The following ASAP1 variants were observed in gnomAD, a reference collection of about 807,000 sequenced individuals.
The protein encoded by ASAP1 is arf-GAP with SH3 domain, ANK repeat and PH domain-containing protein 1.
A neutral mutation model predicts 145.2 loss-of-function variants in ASAP1; 43 were observed. The observed-to-expected ratio is 0.30, with a 90% confidence interval of 0.23 to 0.38. The LOEUF (loss-of-function observed/expected upper bound fraction) is 0.38. ASAP1 is among the 10% of genes least tolerant of loss of function. The pLI is 1.00. For synonymous variants in ASAP1, 546 were observed against 515.5 expected, an observed-to-expected ratio of 1.06 and a Z score of -0.80; for missense variants, 1,018 against 1,355.3, an observed-to-expected ratio of 0.75 and a Z score of 3.91.
intron 25 of ASAP1, among the ~76,000 whole-genome samples, chr8:130,086,182 T>C (rs537531145): frequency 6.6e-6 from 1 of 152,256 alleles, no homozygotes; most frequent in African/African-American, 2.4e-5. Flanking sequence ...GAGCACAGAG[T>C]GGTGCGTGGA....
At chr8:130,245,809 T>C (rs928288453) in intron 3 of ASAP1, among the ~76,000 whole-genome samples, 1 of 152,194 alleles carries the variant, frequency 6.6e-6, no homozygotes, top group Non-Finnish European at 1.5e-5. Flanking sequence ...ATTTCTCATG[T>C]ACTATTTGTT....
chr8:130,136,652 T>C (rs900975254), intron 14 of ASAP1, among the ~76,000 whole-genome samples: 4 of 150,194 alleles, frequency 2.7e-5, no homozygotes, highest in African/African-American at 9.8e-5. Flanking sequence ...CTAAGAAACA[T>C]CTCTCCAAGG....
chr8:130,300,169 G>GAT (rs1822564202), intron 3 of ASAP1, among the ~76,000 whole-genome samples: 1 of 143,746 alleles, frequency 7.0e-6, no homozygotes, highest in South Asian at 2.2e-4. Flanking sequence ...GAGAGAGAGA[G>GAT]AGAGAGAGAG....
chr8:130,290,205 C>A (rs1367135697), intron 3 of ASAP1, among the ~76,000 whole-genome samples: 4 of 152,102 alleles, frequency 2.6e-5, no homozygotes, highest in African/African-American at 9.7e-5. Context: ...TCCTCACAGC[C>A]CTCTGCACTT....
intron 3 of ASAP1, among the ~76,000 whole-genome samples, chr8:130,351,466 T>C (rs867070234): frequency 2.6e-5 from 4 of 152,226 alleles, no homozygotes; most frequent in Admixed American, 6.5e-5. Flanking sequence ...TAGGCAGTTC[T>C]TGTGTTGTTA....
intron 15 of ASAP1, 111 bp downstream of exon 15, chr8:130,134,185 G>A: frequency 4.0e-6 from 3 of 750,502 alleles, no homozygotes; most frequent in Middle Eastern, 2.5e-4. Flanking sequence ...AAGAAGCATG[G>A]AGCCACCAGG....
chr8:130,179,116 T>A, intron 9 of ASAP1, 148 bp downstream of exon 9: 1 of 525,484 alleles, frequency 1.9e-6, no homozygotes, highest in South Asian at 2.9e-5. Flanking sequence ...TGGAAGACAC[T>A]ATTTCTTATC....
intron 2 of ASAP1, among the ~76,000 whole-genome samples, chr8:130,391,798 A>C (rs1828297303): frequency 1.3e-5 from 2 of 152,214 alleles, no homozygotes; most frequent in African/African-American, 4.8e-5. Context: ...TTTTAGAGAG[A>C]GCTCCTGTGA....
chr8:130,079,041 A>G (rs572025012), intron 26 of ASAP1, among the ~76,000 whole-genome samples: 1 of 152,254 alleles, frequency 6.6e-6, no homozygotes, highest in South Asian at 2.1e-4. Flanking sequence ...AAAAAAATAA[A>G]AAAATCAGCT....
intron 3 of ASAP1, among the ~76,000 whole-genome samples, chr8:130,261,426 C>CT (rs1819889414): frequency 6.6e-6 from 1 of 152,182 alleles, no homozygotes; most frequent in African/African-American, 2.4e-5. Flanking sequence ...AATTCCAACT[C>CT]TACTTCCAGG....
At position 130,112,082 on chromosome 8, in the gene ASAP1, C is replaced by T. The variant is rs772602923; in HGVS notation, c.2401+12G>A. The T allele has an allele frequency of 6.2e-7, 1 of 1,610,486 alleles. No individual in the cohort carries two copies. The highest frequency in any genetic ancestry group is 1.1e-5 in the South Asian group (1 of 90,814). ...CGAGGATGGAGTCACAAGCCCTTCT[C>T]AAAGCCCATACCTTTCCCGGCGTTC... On this transcript the variant is annotated intron_variant, in intron 24 of 29. Transcript: ENST00000518721.
chr8:130,055,218 A>C (rs551201234), intron 29 of ASAP1, among the ~76,000 whole-genome samples: 1 of 150,710 alleles, frequency 6.6e-6, no homozygotes, highest in African/African-American at 2.4e-5. Flanking sequence ...CCTCACACAA[A>C]CCTTGCTAAG....
intron 12 of ASAP1, among the ~76,000 whole-genome samples, chr8:130,158,348 TAA>T (rs35826450): frequency 1.7e-4 from 23 of 137,272 alleles, no homozygotes; most frequent in Admixed American, 2.9e-4. Context: ...TGCTTATATT[TAA>T]AAAAAAAAAA....
intron 12 of ASAP1, among the ~76,000 whole-genome samples, chr8:130,157,647 AT>A: frequency 6.6e-6 from 1 of 152,154 alleles, no homozygotes; most frequent in South Asian, 2.1e-4. Flanking sequence ...CTTATCTCCT[AT>A]GACCTCCTGG....
intron 2 of ASAP1, among the ~76,000 whole-genome samples, chr8:130,372,126 A>C (rs570680908): frequency 2.4e-4 from 37 of 152,376 alleles, no homozygotes; most frequent in African/African-American, 8.4e-4. Context: ...CAATTCACCA[A>C]GTACAGGCAT....
At chr8:130,115,999 A>C (rs757871237) in intron 22 of ASAP1, among the ~76,000 whole-genome samples, 2 of 152,210 alleles carry the variant, frequency 1.3e-5, no homozygotes, top group Non-Finnish European at 2.9e-5. Flanking sequence ...TGGGCCTCAA[A>C]CTTGCAAATT....
intron 27 of ASAP1, among the ~76,000 whole-genome samples, chr8:130,062,032 A>T (rs2097420651): frequency 6.6e-6 from 1 of 152,368 alleles, no homozygotes; most frequent in Admixed American, 6.5e-5. Flanking sequence ...TGCAGATTAC[A>T]TGGGTTAATA....
At chr8:130,292,736 A>G (rs75834455) in intron 3 of ASAP1, among the ~76,000 whole-genome samples, 16,164 of 152,166 alleles carry the variant, frequency 0.11, 977 homozygotes, top group South Asian at 0.27. Flanking sequence ...AGGAAAAAAA[A>G]AGCAAGCTCC....
intron 3 of ASAP1, among the ~76,000 whole-genome samples, chr8:130,323,272 A>C (rs1824125385): frequency 6.6e-6 from 1 of 152,194 alleles, no homozygotes; most frequent in Admixed American, 6.5e-5. Flanking sequence ...TACGGACTGG[A>C]CACTCATTTA....
Sources: gnomAD v4.1 joint callset for allele counts (sites outside exome capture counted in the v4.1 genomes callset) on GRCh38, gnomAD v4.1.1 for gene constraint, MANE v1.5 for transcripts, NCBI Gene and HGNC (gene_info 2026-07-23, HGNC 2026-07-21) for gene names.